Variants in MICAL2 observed in about 807,000 individuals in gnomAD.
The protein encoded by MICAL2 is [F-actin]-monooxygenase MICAL2.
A neutral mutation model predicts 127.3 loss-of-function variants in MICAL2; 77 were observed. The observed-to-expected ratio is 0.60, with a 90% CI of 0.50 to 0.73. The LOEUF (loss-of-function observed/expected upper bound fraction) is 0.73, where lower values mean the gene tolerates loss of function less well. MICAL2 is among the 30% of genes least tolerant of loss of function. The probability of loss-of-function intolerance (pLI) is 0.00; values close to 1 mark genes in which losing one functional copy is unlikely to be tolerated. For missense variants in MICAL2, 1,351 were observed against 1,434.4 expected, an observed-to-expected ratio of 0.94 and a Z score of 0.94; for synonymous variants, 570 against 551.1, an observed-to-expected ratio of 1.03 and a Z score of -0.48.
intron 32 of MICAL2, among the ~76,000 whole-genome samples, chr11:12,343,189 C>T (rs1938897803): frequency 1.3e-5 from 2 of 152,042 alleles, no homozygotes; most frequent in Non-Finnish European, 1.5e-5. Flanking sequence ...GGGCGGATCA[C>T]CTGAGGTCAG....
chr11:12,241,251 C>T lies in MICAL2; in HGVS notation c.2337+89C>T. On this transcript the variant is annotated intron_variant, in intron 18 of 27. Transcript: ENST00000683283. ...GGGGTCAGTGGCTCTTCCCACACCC[C>T]AAGTAGGGCTGATTGTAGATTTTCT... 2.0e-6 allele frequency: 3 copies of T among 1,472,128 alleles called. 1 individual carries two copies. In the South Asian group the frequency reaches 4.0e-5, roughly 20 times the overall value. The allele number at this position is 1,472,128 out of a possible 1,614,324, so 91.2% of individuals were successfully genotyped here.
At chr11:12,293,068 G>A (rs142029272), downstream of MICAL2, among the ~76,000 whole-genome samples, 7 of 152,328 alleles carry the variant, frequency 4.6e-5, no homozygotes, top group East Asian at 9.6e-4. Flanking sequence ...AGTGACTGTC[G>A]CTTCTTACTT....
At chr11:12,223,663 C>T (rs1245041852) in intron 12 of MICAL2, among the ~76,000 whole-genome samples, 162 bp downstream of exon 12, 1 of 152,140 alleles carries the variant, frequency 6.6e-6, no homozygotes, top group Non-Finnish European at 1.5e-5. Flanking sequence ...ACTCCAGTTC[C>T]TCCTCTGTGA....
chr11:12,211,985 C>A (rs959677003), intron 6 of MICAL2, among the ~76,000 whole-genome samples: 1 of 152,162 alleles, frequency 6.6e-6, no homozygotes, highest in Non-Finnish European at 1.5e-5. Flanking sequence ...TTCATCCAAC[C>A]CAGAACTCAG....
chr11:12,150,426 G>GAA (rs201730703), intron 2 of MICAL2, among the ~76,000 whole-genome samples: 1 of 145,170 alleles, frequency 6.9e-6, no homozygotes, highest in Non-Finnish European at 1.5e-5. Context: ...GATCCTGTCT[G>GAA]AAAAAAAAAA....
At chr11:12,328,290 T>C (rs1188175579) in intron 32 of MICAL2, among the ~76,000 whole-genome samples, 2 of 152,132 alleles carry the variant, frequency 1.3e-5, no homozygotes, top group African/African-American at 2.4e-5. Context: ...CAATACAGTA[T>C]GACAAATGCT....
intron 21 of MICAL2, among the ~76,000 whole-genome samples, chr11:12,245,741 G>A (rs1012829239): frequency 4.6e-5 from 7 of 152,238 alleles, no homozygotes; most frequent in African/African-American, 1.7e-4. Context: ...ATGTTACAGT[G>A]AGCAACATGG....
intron 15 of MICAL2, among the ~76,000 whole-genome samples, chr11:12,233,017 T>C (rs1858505994): frequency 6.6e-6 from 1 of 152,216 alleles, no homozygotes; most frequent in Non-Finnish European, 1.5e-5. Flanking sequence ...ACCCACCCAT[T>C]AGTCACCTTA....
chr11:12,356,628 C>T (rs140171063), intron 34 of MICAL2, among the ~76,000 whole-genome samples: 18 of 152,278 alleles, frequency 1.2e-4, no homozygotes, highest in South Asian at 6.2e-4. Context: ...TGAGAGCCTG[C>T]GGGCATTCCT....
chr11:12,238,764 A>G (rs1859455136), intron 16 of MICAL2, among the ~76,000 whole-genome samples: 1 of 152,236 alleles, frequency 6.6e-6, no homozygotes, highest in Admixed American at 6.5e-5. Flanking sequence ...GACAGGAGCA[A>G]TTATTCCAGA....
At chr11:12,291,019 G>A (rs139727281), downstream of MICAL2, among the ~76,000 whole-genome samples, 354 of 152,262 alleles carry the variant, frequency 2.3e-3, 2 homozygotes, top group African/African-American at 7.9e-3. Context: ...AAAATCTGAA[G>A]GCTACACACC....
intron 3 of MICAL2, among the ~76,000 whole-genome samples, chr11:12,186,440 G>A (rs1858290747): frequency 6.6e-6 from 1 of 152,108 alleles, no homozygotes; most frequent in Non-Finnish European, 1.5e-5. Context: ...AATTTACAAA[G>A]CCCTTTCCAC....
chr11:12,284,389 A>G (rs1863803502), intron 2 of MICAL2, among the ~76,000 whole-genome samples: 1 of 152,114 alleles, frequency 6.6e-6, no homozygotes, highest in Admixed American at 6.5e-5. Context: ...AAATAAACAC[A>G]CATAGAATAT....
chr11:12,152,270 C>T lies in MICAL2; in HGVS notation c.-77-9809C>T, dbSNP rs1853664732. ...CCAAGATTGCACCACTGCACTCTAG[C>T]TTTGGCAACAAAGCAAGACTCTGTC... On this transcript the variant is annotated intron_variant, in intron 2 of 27. Coordinates refer to ENST00000683283, the MANE Select transcript of MICAL2 (RefSeq NM_001282663.2). 2.7e-5 allele frequency among the ~76,000 whole-genome samples: 3 copies of T among 109,696 alleles called. No individual in the cohort carries two copies. In the South Asian group the frequency reaches 1.0e-3, roughly 37 times the overall value. The allele number at this position is 109,696 out of a possible 152,430, so 72.0% of individuals were successfully genotyped here.
At chr11:12,351,048 A>G (rs1437406737) in intron 33 of MICAL2, among the ~76,000 whole-genome samples, 1 of 152,198 alleles carries the variant, frequency 6.6e-6, no homozygotes, top group East Asian at 1.9e-4. Flanking sequence ...GCTCTTATAA[A>G]GACACTTGGG....
At chr11:12,151,358 G>A (rs575927113) in intron 2 of MICAL2, among the ~76,000 whole-genome samples, 41 of 152,206 alleles carry the variant, frequency 2.7e-4, no homozygotes, top group African/African-American at 9.6e-4. Context: ...AAGTTGGCCT[G>A]CAACAGTCGG....
chr11:12,257,777 C>T (rs1024125418), intron 24 of MICAL2, among the ~76,000 whole-genome samples: 3 of 152,112 alleles, frequency 2.0e-5, no homozygotes, highest in Non-Finnish European at 2.9e-5. Context: ...TGTAAGTGTC[C>T]CCTACTGTTA....
intron 29 of MICAL2, among the ~76,000 whole-genome samples, chr11:12,299,343 C>T (rs1358321367): frequency 6.6e-6 from 1 of 152,088 alleles, no homozygotes; most frequent in African/African-American, 2.4e-5. Context: ...GTTGCCTCCG[C>T]ATTTAACTTG....
chr11:12,316,312 C>T (rs1190715185), intron 29 of MICAL2, among the ~76,000 whole-genome samples: 3 of 151,358 alleles, frequency 2.0e-5, no homozygotes, highest in Non-Finnish European at 2.9e-5. Context: ...CATGAGATAT[C>T]TTTTGATTTC....
Sources: allele counts gnomAD v4.1 joint callset (sites outside exome capture counted in the v4.1 genomes callset), GRCh38; gene constraint gnomAD v4.1.1; transcripts MANE v1.5; gene names NCBI Gene and HGNC (gene_info 2026-07-23, HGNC 2026-07-21).